Variants in SORCS1 observed in about 807,000 individuals in gnomAD.
SORCS1 encodes VPS10 domain-containing receptor SorCS1.
SORCS1 carries 60 observed loss-of-function variants against 146.1 expected under a neutral mutation model. The ratio of observed to expected loss-of-function variants is 0.41; its 90% CI spans 0.33 to 0.51. The LOEUF (loss-of-function observed/expected upper bound fraction) is 0.51, where lower values mean the gene tolerates loss of function less well. Ranked by LOEUF, SORCS1 falls within the 20% of genes least tolerant of loss-of-function variation. The pLI, the probability that SORCS1 is intolerant of heterozygous loss-of-function variation, is 0.21. For synonymous variants in SORCS1, 637 were observed against 584.0 expected (o/e 1.09, Z -1.31); for missense variants, 1,352 against 1,487.6 (o/e 0.91, Z 1.50).
At chr10:106,888,156 T>C (rs531540967) in intron 2 of SORCS1, among the ~76,000 whole-genome samples, 1 of 152,346 alleles carries the variant, frequency 6.6e-6, no homozygotes, top group African/African-American at 2.4e-5. Context: ...CAAACTATTC[T>C]TCCATTCTTC....
intron 1 of SORCS1, among the ~76,000 whole-genome samples, chr10:107,103,207 T>C (rs954530518): frequency 1.6e-4 from 25 of 152,168 alleles, no homozygotes; most frequent in African/African-American, 6.0e-4. Context: ...AGAGAGAGAG[T>C]TGGATCTGCT....
intron 18 of SORCS1, among the ~76,000 whole-genome samples, chr10:106,642,938 G>C (rs987285923): frequency 1.3e-5 from 2 of 152,190 alleles, no homozygotes; most frequent in Non-Finnish European, 2.9e-5. Context: ...AGGCCAAACT[G>C]GCTTTGGTCA....
At chr10:107,112,991 A>C (rs1965794077) in intron 1 of SORCS1, among the ~76,000 whole-genome samples, 1 of 152,216 alleles carries the variant, frequency 6.6e-6, no homozygotes, top group Non-Finnish European at 1.5e-5. Flanking sequence ...CTTGAACAAC[A>C]CTATAAAACA....
chr10:106,771,968 C>A (rs752955777), intron 4 of SORCS1, among the ~76,000 whole-genome samples: 3 of 152,136 alleles, frequency 2.0e-5, no homozygotes, highest in Non-Finnish European at 4.4e-5. Context: ...TAGCCACATC[C>A]CCAGACAAGA....
intron 22 of SORCS1, among the ~76,000 whole-genome samples, chr10:106,608,939 C>A (rs1281225846): frequency 6.6e-6 from 1 of 152,204 alleles, no homozygotes; most frequent in Non-Finnish European, 1.5e-5. Flanking sequence ...TGTCATCAGA[C>A]ATGAGCCACC....
At chr10:107,174,985 G>A in the SORCS1 span, among the ~76,000 whole-genome samples, 1 of 152,080 alleles carries the variant, frequency 6.6e-6, no homozygotes, top group African/African-American at 2.4e-5. Context: ...ACACGAATAG[G>A]TTTTGAATTT....
intron 1 of SORCS1, among the ~76,000 whole-genome samples, chr10:107,068,314 A>T (rs1962088847): frequency 6.6e-6 from 1 of 152,190 alleles, no homozygotes; most frequent in South Asian, 2.1e-4. Context: ...CTGAACTCCC[A>T]GCACACTACC....
At chr10:106,785,702 T>C (rs895362293) in intron 3 of SORCS1, among the ~76,000 whole-genome samples, 11 of 152,188 alleles carry the variant, frequency 7.2e-5, no homozygotes, top group Non-Finnish European at 1.5e-4. Context: ...AAAGCTTTCC[T>C]GAAAAGACTA....
intron 1 of SORCS1, among the ~76,000 whole-genome samples, chr10:107,031,797 CCTCT>C (rs1424712316): frequency 4.6e-5 from 7 of 152,100 alleles, no homozygotes; most frequent in Non-Finnish European, 7.4e-5. Context: ...TCTGAGCTTA[CCTCT>C]CTAACACTTC....
At chr10:106,682,361 G>C (rs1852504251) in intron 10 of SORCS1, among the ~76,000 whole-genome samples, 6 of 152,088 alleles carry the variant, frequency 3.9e-5, no homozygotes, top group Admixed American at 3.3e-4. Flanking sequence ...CACATTTGTA[G>C]TACTGGATTG....
the SORCS1 span, among the ~76,000 whole-genome samples, chr10:107,178,811 T>C: frequency 3.3e-5 from 5 of 151,762 alleles, no homozygotes; most frequent in African/African-American, 1.2e-4. Flanking sequence ...TATGGCTGAA[T>C]AGCAGTATTT....
Position 107,084,101 on chromosome 10 carries a change from T to G in SORCS1, c.558+79868A>C, listed in dbSNP as rs552600608. Among the ~76,000 whole-genome samples, 525 of 147,698 alleles carry G rather than the reference T, an allele frequency of 3.6e-3. 4 individuals are homozygous for G. Among genetic ancestry groups the G allele is most frequent in the Non-Finnish European group, 5.0e-3 (332 of 66,666 alleles). ...ATTTTTGTTGTTTTTTGTTTTTTTT[T>G]TTTTTTTTTTTTGAGACCGAGTCTT... On this transcript the variant is annotated intron_variant, in intron 1 of 25. Coordinates refer to ENST00000263054, the MANE Select transcript of SORCS1 (RefSeq NM_052918.5).
chr10:107,022,874 G>A (rs1958208079), intron 1 of SORCS1, among the ~76,000 whole-genome samples: 1 of 152,150 alleles, frequency 6.6e-6, no homozygotes, highest in African/African-American at 2.4e-5. Flanking sequence ...TAAGATGGGA[G>A]GAGCTGAAAC....
At chr10:106,716,036 C>T (rs1855347481) in intron 6 of SORCS1, among the ~76,000 whole-genome samples, 1 of 152,160 alleles carries the variant, frequency 6.6e-6, no homozygotes, top group Non-Finnish European at 1.5e-5. Context: ...CAGGAGTGAG[C>T]CACCACACCC....
intron 1 of SORCS1, among the ~76,000 whole-genome samples, chr10:106,957,661 T>C (rs562194295): frequency 1.6e-4 from 25 of 152,238 alleles, no homozygotes; most frequent in African/African-American, 5.5e-4. Flanking sequence ...ATATTTCTTA[T>C]GGAACCCTCC....
intron 3 of SORCS1, among the ~76,000 whole-genome samples, chr10:106,787,911 T>C (rs759963488): frequency 6.6e-6 from 1 of 152,212 alleles, no homozygotes; most frequent in East Asian, 1.9e-4. Flanking sequence ...TTCATGAAGA[T>C]ACTGTCATTT....
At chr10:107,016,141 A>G (rs1957887565) in intron 1 of SORCS1, among the ~76,000 whole-genome samples, 1 of 152,248 alleles carries the variant, frequency 6.6e-6, no homozygotes, top group South Asian at 2.1e-4. Context: ...ACAGTATGGA[A>G]GAATAGACAA....
chr10:107,101,743 C>A (rs1372271414), intron 1 of SORCS1, among the ~76,000 whole-genome samples: 1 of 138,356 alleles, frequency 7.2e-6, no homozygotes, highest in Non-Finnish European at 1.6e-5. Flanking sequence ...CTTCCATGGG[C>A]TAATTATGTG....
rs940254273 is a variant in SORCS1, at chr10:106,607,067, T to C, written c.3165+99A>G. On this transcript the variant is annotated intron_variant, in intron 23 of 25. Coordinates refer to ENST00000263054, the MANE Select transcript of SORCS1 (RefSeq NM_052918.5). Reference sequence around the variant, plus strand: ...GCATGTGCTTTTGGTGAAGCTGTAGTTAGGATCACCAGTTTATGGGTCAGA... The same window carrying C: ...GCATGTGCTTTTGGTGAAGCTGTAGCTAGGATCACCAGTTTATGGGTCAGA... 3 of 1,490,018 alleles carry C rather than the reference T, an allele frequency of 2.0e-6. No individual in the cohort carries two copies. In the African/African-American group the frequency reaches 4.2e-5, roughly 21 times the overall value. The allele number at this position is 1,490,018 out of a possible 1,614,324, so 92.3% of individuals were successfully genotyped here.
Sources: gnomAD v4.1 joint callset for allele counts (sites outside exome capture counted in the v4.1 genomes callset) on GRCh38, gnomAD v4.1.1 for gene constraint, MANE v1.5 for transcripts, NCBI Gene and HGNC (gene_info 2026-07-23, HGNC 2026-07-21) for gene names.